The following PHTF2 variants were observed in gnomAD, a reference collection of about 807,000 sequenced individuals.
PHTF2 encodes the protein putative homeodomain transcription factor 2, also known as protein PHTF2.
Under a neutral mutation model 101.2 loss-of-function variants are expected in PHTF2, and 60 were observed. The ratio of observed to expected loss-of-function variants is 0.59; its 90% CI spans 0.48 to 0.73. PHTF2 has a LOEUF of 0.73. Among genes scored for constraint, PHTF2 ranks in the 30% least tolerant of loss-of-function variants. PHTF2 has a pLI of 0.00. For missense variants in PHTF2, 747 were observed against 908.7 expected, an observed-to-expected ratio of 0.82 and a Z score of 2.29; for synonymous variants, 311 against 307.3, an observed-to-expected ratio of 1.01 and a Z score of -0.13.
In PHTF2 at chr7:77,922,618, C is replaced by T. The variant is rs372252119; in HGVS notation, c.964-5C>T. The T allele has an allele frequency of 1.7e-5, 27 of 1,602,834 alleles. No individual in the cohort carries two copies. Among genetic ancestry groups the T allele is most frequent in the Non-Finnish European group, 1.0e-5 (12 of 1,173,052 alleles). On this transcript the variant is annotated splice_region_variant and splice_polypyrimidine_tract_variant and intron_variant, in intron 10 of 19. Transcript: ENST00000416283. ...TATAATCCTCTTTGTGTACTCCCAACTTAGGATACCCAAAGGACAATAACA... is the reference window on the plus strand; with the variant it reads ...TATAATCCTCTTTGTGTACTCCCAATTTAGGATACCCAAAGGACAATAACA...
chr7:77,886,022 G>A (rs527681348), intron 3 of PHTF2, among the ~76,000 whole-genome samples: 3 of 152,310 alleles, frequency 2.0e-5, no homozygotes, highest in Admixed American at 2.0e-4. Flanking sequence ...CATTAGTTAA[G>A]GAAACTAGGT....
chr7:77,900,126 T>C (rs949264970), intron 5 of PHTF2, among the ~76,000 whole-genome samples: 1 of 152,142 alleles, frequency 6.6e-6, no homozygotes, highest in Non-Finnish European at 1.5e-5. Flanking sequence ...CTGGTTATGG[T>C]GTCTAAGTTT....
intron 1 of PHTF2, among the ~76,000 whole-genome samples, chr7:77,825,539 A>T (rs1380507625): frequency 6.6e-6 from 1 of 152,208 alleles, no homozygotes; most frequent in Non-Finnish European, 1.5e-5. Context: ...AACTAGGGAG[A>T]TCAGTCTTGG....
intron 1 of PHTF2, among the ~76,000 whole-genome samples, chr7:77,810,155 G>C (rs1465649189): frequency 6.6e-6 from 1 of 151,818 alleles, no homozygotes; most frequent in Admixed American, 6.6e-5. Context: ...CACTATATTT[G>C]CTTTATCATT....
exon 20 of PHTF2, chr7:77,956,586 G>A (rs1391842893): frequency 2.6e-5 from 4 of 152,482 alleles, no homozygotes; most frequent in Non-Finnish European, 5.9e-5. Context: ...GAAAACTTAG[G>A]CTTTGTCTGA....
intron 9 of PHTF2, among the ~76,000 whole-genome samples, chr7:77,914,323 G>C (rs1802700575): frequency 7.4e-6 from 1 of 135,142 alleles, no homozygotes; most frequent in Non-Finnish European, 1.5e-5. Flanking sequence ...ATTTAAACAA[G>C]GAGTTGGATA....
chr7:77,898,916 C>T (rs904673892), intron 5 of PHTF2, among the ~76,000 whole-genome samples: 1 of 152,080 alleles, frequency 6.6e-6, no homozygotes, highest in Non-Finnish European at 1.5e-5. Context: ...CTCCTTGCTT[C>T]AGCCTCCCCA....
chr7:77,869,968 G>A (rs1305380637), intron 3 of PHTF2, among the ~76,000 whole-genome samples: 2 of 152,042 alleles, frequency 1.3e-5, no homozygotes, highest in African/African-American at 2.4e-5. Flanking sequence ...AGTTGTTTGA[G>A]TTCCTTATAT....
chr7:77,907,074 A>G (rs1249169912), intron 7 of PHTF2, among the ~76,000 whole-genome samples: 3 of 152,126 alleles, frequency 2.0e-5, no homozygotes, highest in Admixed American at 1.3e-4. Flanking sequence ...TATGCTGTGT[A>G]CTATGTAGAT....
chr7:77,822,630 C>G (rs1794381755), intron 1 of PHTF2, among the ~76,000 whole-genome samples: 1 of 152,122 alleles, frequency 6.6e-6, no homozygotes, highest in African/African-American at 2.4e-5. Context: ...CTTACCTTTT[C>G]CCTGAAATGG....
At chr7:77,844,411 G>C (rs1490858710) in intron 2 of PHTF2, among the ~76,000 whole-genome samples, 3 of 152,152 alleles carry the variant, frequency 2.0e-5, no homozygotes, top group African/African-American at 7.2e-5. Flanking sequence ...TTGAACATGA[G>C]CTCTAATATC....
chr7:77,925,781 G>A (rs767972205), intron 11 of PHTF2, among the ~76,000 whole-genome samples: 1 of 152,180 alleles, frequency 6.6e-6, no homozygotes, highest in East Asian at 1.9e-4. Context: ...CCACTTGGCC[G>A]GGTGCGGTGC....
At chr7:77,834,669 A>C (rs941992508) in intron 1 of PHTF2, among the ~76,000 whole-genome samples, 5 of 152,174 alleles carry the variant, frequency 3.3e-5, no homozygotes, top group African/African-American at 1.2e-4. Flanking sequence ...CTTGGGGAAA[A>C]CTGAGGTCCA....
At chr7:77,911,575 T>G (rs936814113) in intron 9 of PHTF2, among the ~76,000 whole-genome samples, 21 of 152,226 alleles carry the variant, frequency 1.4e-4, no homozygotes, top group African/African-American at 5.1e-4. Flanking sequence ...TCTGTCACTT[T>G]GTTAACTCCA....
intron 1 of PHTF2, among the ~76,000 whole-genome samples, chr7:77,818,404 G>GTC (rs1392829634): frequency 6.6e-6 from 1 of 152,198 alleles, no homozygotes; most frequent in East Asian, 1.9e-4. Flanking sequence ...TTACATTTAG[G>GTC]TCTTTGATTC....
rs1184431459 is a variant in PHTF2, at chr7:77,840,311, A to T, written c.45+11A>T. The stretch of plus-strand genomic sequence containing the variant: ...TGGTATCAAAAGAAGGTAAGTTGAT[A>T]GTCAAAACTTTTAGCTTTCTAAATG... On this transcript the variant is annotated intron_variant, in intron 2 of 19. Coordinates refer to ENST00000416283, the Ensembl canonical transcript of PHTF2. The T allele has an allele frequency of 1.3e-6, 2 of 1,574,576 alleles. No individual in the cohort carries two copies. Among genetic ancestry groups the T allele is most frequent in the Non-Finnish European group, 1.7e-6 (2 of 1,145,280 alleles).
At chr7:77,800,833 A>T (rs537538861) in intron 1 of PHTF2, among the ~76,000 whole-genome samples, 12 of 152,326 alleles carry the variant, frequency 7.9e-5, no homozygotes, top group Admixed American at 3.3e-4. Flanking sequence ...TAGATGAGCA[A>T]ACCAAGACTT....
exon 8 of PHTF2, chr7:77,908,812 C>T: frequency 6.2e-7 from 1 of 1,603,816 alleles, no homozygotes; most frequent in East Asian, 2.2e-5. Context: ...TAGTATTATT[C>T]TGCTCCACTT....
At chr7:77,821,913 C>T (rs1794324718) in intron 1 of PHTF2, among the ~76,000 whole-genome samples, 1 of 152,206 alleles carries the variant, frequency 6.6e-6, no homozygotes, top group East Asian at 1.9e-4. Flanking sequence ...GAGCAGCCTG[C>T]TGTGCCCAGG....
Sources: gnomAD v4.1 joint callset for allele counts (sites outside exome capture counted in the v4.1 genomes callset) on GRCh38, gnomAD v4.1.1 for gene constraint, MANE v1.5 for transcripts, NCBI Gene and HGNC (gene_info 2026-07-23, HGNC 2026-07-21) for gene names.